Variants in TMED3 observed in about 807,000 individuals in gnomAD.
TMED3 encodes transmembrane emp24 domain-containing protein 3.
A neutral mutation model predicts 15.0 loss-of-function variants in TMED3; 9 were observed. That is an observed-to-expected ratio of 0.60 (90% CI 0.36 to 1.04). TMED3 has a LOEUF of 1.04. TMED3 is among the 50% of genes least tolerant of loss of function. The probability of loss-of-function intolerance (pLI) is 0.01; values close to 1 mark genes in which losing one functional copy is unlikely to be tolerated. For missense variants in TMED3, 267 were observed against 278.9 expected, an observed-to-expected ratio of 0.96 and a Z score of 0.30; for synonymous variants, 117 against 121.4, an observed-to-expected ratio of 0.96 and a Z score of 0.24.
chr15:79,317,717 G>A (rs2058747009), intron 2 of TMED3, among the ~76,000 whole-genome samples: 1 of 152,106 alleles, frequency 6.6e-6, no homozygotes, highest in African/African-American at 2.4e-5. Context: ...TTTCAAGAAT[G>A]ATCCACTTTG....
chr15:79,346,906 A>C (rs2058873371), intron 2 of TMED3, among the ~76,000 whole-genome samples: 1 of 152,156 alleles, frequency 6.6e-6, no homozygotes, highest in Admixed American at 6.5e-5. Flanking sequence ...ACTAACCAAA[A>C]AAGCCCAGGA....
At chr15:79,315,629 T>C (rs2058737329) in intron 2 of TMED3, among the ~76,000 whole-genome samples, 1 of 152,314 alleles carries the variant, frequency 6.6e-6, no homozygotes, top group East Asian at 1.9e-4. Context: ...GCCTGAGCAG[T>C]AGTTTGATTT....
intron 2 of TMED3, among the ~76,000 whole-genome samples, chr15:79,321,593 G>A (rs748310821): frequency 4.5e-4 from 69 of 152,172 alleles, no homozygotes; most frequent in Non-Finnish European, 1.2e-4. Flanking sequence ...TGGGCAATTC[G>A]TGTAGCCTCT....
Position 79,311,256 on chromosome 15 carries a change from A to G in TMED3, c.7A>G (p.Ser3Gly). MG[S>G]TVPRSASVLL... ...AGACGGGACCGAGAGCATCATGGGC[A>G]GCACTGTCCCGCGCTCCGCCTCCGT... Residue 3 changes from serine (S) to glycine (G), a missense_variant, in exon 1 of 3, where the codon AGC (serine) becomes GGC (glycine). This residue lies in a region of TMED3 where 59 missense variants were observed against 47.0 expected (regional missense o/e 1.26). Transcript: ENST00000299705. 1 of 1,600,704 alleles carries G rather than the reference A, an allele frequency of 6.2e-7. No homozygotes were observed. The highest frequency in any genetic ancestry group is 1.3e-5 in the African/African-American group (1 of 74,530).
intron 2 of TMED3, among the ~76,000 whole-genome samples, chr15:79,333,031 G>T (rs770215487): frequency 1.3e-5 from 2 of 152,178 alleles, no homozygotes; most frequent in Non-Finnish European, 2.9e-5. Context: ...TTTGACATTT[G>T]CATAAATCCT....
Position 79,338,848 on chromosome 15 carries a change from G to A in TMED3, c.417+24843G>A, listed in dbSNP as rs185592976. Among the ~76,000 whole-genome samples the A allele has an allele frequency of 2.1e-3, 317 of 152,164 alleles. 3 individuals are homozygous for A. Among genetic ancestry groups the A allele is most frequent in the African/African-American group, 7.4e-3 (309 of 41,518 alleles). On this transcript the variant is annotated intron_variant, in intron 2 of 2. Transcript: ENST00000424155. ...GAAGACACCCGTTGCCAGGCGGACC[G>A]TGGTCTAGCGGTAGCGTAAGTGTCA...
At chr15:79,319,970 C>G (rs555464922) in intron 2 of TMED3, among the ~76,000 whole-genome samples, 1 of 152,200 alleles carries the variant, frequency 6.6e-6, no homozygotes, top group Non-Finnish European at 1.5e-5. Flanking sequence ...ACAGTTAGGT[C>G]CCCGGATAAC....
downstream of TMED3, among the ~76,000 whole-genome samples, chr15:79,327,426 A>G (rs2058791297): frequency 6.6e-6 from 1 of 152,226 alleles, no homozygotes; most frequent in Admixed American, 6.5e-5. Flanking sequence ...AACTCTAGAA[A>G]ACAGGGATGA....
At chr15:79,396,908 T>C (rs1488008141) in intron 2 of TMED3, among the ~76,000 whole-genome samples, 2 of 152,228 alleles carry the variant, frequency 1.3e-5, no homozygotes, top group African/African-American at 2.4e-5. Context: ...TTAACATTAA[T>C]TTCACCTGTT....
At position 79,313,754 on chromosome 15, in the gene TMED3, C is replaced by T; in HGVS notation, c.169-3C>T. The T allele has an allele frequency of 1.2e-6, 2 of 1,610,434 alleles. No homozygotes were observed. The highest frequency in any genetic ancestry group is 2.2e-5 in the East Asian group (1 of 44,776). ...ATAACAGCAATTTTTTTATGGTTGT[C>T]AGGTCATCACTGGAGGCCACTACGA... On this transcript the variant is annotated splice_polypyrimidine_tract_variant and splice_region_variant and intron_variant, in intron 1 of 2. Transcript: ENST00000299705.
chr15:79,311,443 C>T (rs1233189669), intron 1 of TMED3, 26 bp downstream of exon 1: 1 of 1,589,248 alleles, frequency 6.3e-7, no homozygotes, highest in Non-Finnish European at 8.6e-7. Context: ...CGGCAGCGCT[C>T]CCTTCTCCCT....
At chr15:79,367,689 G>T (rs569279794) in intron 2 of TMED3, among the ~76,000 whole-genome samples, 1 of 152,192 alleles carries the variant, frequency 6.6e-6, no homozygotes, top group South Asian at 2.1e-4. Context: ...TGGACAACCC[G>T]ATGGGTTGCA....
chr15:79,361,143 G>A (rs1460091790), intron 2 of TMED3, among the ~76,000 whole-genome samples: 1 of 152,186 alleles, frequency 6.6e-6, no homozygotes, highest in Non-Finnish European at 1.5e-5. Context: ...GATTACAGGT[G>A]TGAGCCACTG....
At position 79,311,173 on chromosome 15, in the gene TMED3, C is replaced by G. The variant is rs973778816; in HGVS notation, c.-77C>G. 14 of 1,476,098 alleles carry G rather than the reference C, an allele frequency of 9.5e-6. No homozygotes were observed. The African/African-American group carries it at 1.1e-4, about 12-fold the overall frequency. The allele number at this position is 1,476,098 out of a possible 1,614,324, so 91.4% of individuals were successfully genotyped here. A position where few individuals can be genotyped will look rare whatever the true frequency, so the allele number is the denominator to read the frequency against. On this transcript the variant is annotated 5_prime_UTR_variant, in exon 1 of 3. Transcript: ENST00000299705. ...TATCCCCTTACATCCTCCTAGGACC[C>G]GGTCGGTAGTCGTCGCCCCAGCCCG...
downstream of TMED3, among the ~76,000 whole-genome samples, chr15:79,324,137 C>T (rs1452969559): frequency 3.3e-5 from 5 of 152,112 alleles, no homozygotes; most frequent in Non-Finnish European, 5.9e-5. Context: ...ACTACAGGCA[C>T]CCGCCACCAC....
At chr15:79,325,741 G>A (rs1046348809), downstream of TMED3, among the ~76,000 whole-genome samples, 4 of 152,110 alleles carry the variant, frequency 2.6e-5, no homozygotes, top group Non-Finnish European at 4.4e-5. Context: ...AAGCCCAAGA[G>A]CCCCCAGCAG....
chr15:79,324,908 A>G (rs1467965399), downstream of TMED3, among the ~76,000 whole-genome samples: 1 of 152,108 alleles, frequency 6.6e-6, no homozygotes, highest in Non-Finnish European at 1.5e-5. Flanking sequence ...ACCTCTCTGA[A>G]CCTTCATTTC....
At chr15:79,328,991 C>T (rs2058797663) in intron 2 of TMED3, among the ~76,000 whole-genome samples, 1 of 152,192 alleles carries the variant, frequency 6.6e-6, no homozygotes, top group Non-Finnish European at 1.5e-5. Context: ...AGATCAAAGC[C>T]CCTGTCTGGG....
At chr15:79,374,972 C>T (rs1326316497) in intron 2 of TMED3, among the ~76,000 whole-genome samples, 1 of 152,170 alleles carries the variant, frequency 6.6e-6, no homozygotes, top group Non-Finnish European at 1.5e-5. Flanking sequence ...AGGTCTTTCT[C>T]CTCCCTAAAG....
Sources: allele counts gnomAD v4.1 joint callset (sites outside exome capture counted in the v4.1 genomes callset), GRCh38; gene constraint gnomAD v4.1.1; regional missense constraint gnomAD v4.1.1; transcripts MANE v1.5; gene names NCBI Gene and HGNC (gene_info 2026-07-23, HGNC 2026-07-21).